Variants in LRRC74A observed in about 807,000 individuals in gnomAD.
LRRC74A encodes the protein leucine rich repeat containing 74A, also known as leucine-rich repeat-containing protein 74A.
LRRC74A carries 44 observed loss-of-function variants against 57.9 expected under a neutral mutation model. The ratio of observed to expected loss-of-function variants is 0.76; its 90% CI spans 0.60 to 0.98. The LOEUF is 0.98. Ranked by LOEUF, LRRC74A falls within the 50% of genes least tolerant of loss-of-function variation. The pLI is 0.00. For synonymous variants in LRRC74A, 211 were observed against 219.4 expected (o/e 0.96, Z 0.34); for missense variants, 572 against 574.0 (o/e 1.00, Z 0.04).
At position 76,857,368 on chromosome 14, in the gene LRRC74A, C is replaced by T. The variant is rs952392067; in HGVS notation, c.958-12C>T. 6.5e-7 allele frequency: 1 copy of T among 1,547,250 alleles called. No homozygotes were observed. On this transcript the variant is annotated splice_polypyrimidine_tract_variant and intron_variant, in intron 9 of 13. Coordinates refer to ENST00000689127, the MANE Select transcript of LRRC74A (RefSeq NM_001385106.1). Reference sequence around the variant, plus strand: ...ATCTCAGCCTCCTCTTGTCTTGATTCTCCCTCTATAGCTTTTCCTGAATCC... The same window carrying T: ...ATCTCAGCCTCCTCTTGTCTTGATTTTCCCTCTATAGCTTTTCCTGAATCC...
At chr14:76,829,075 C>CAGTT in intron 2 of LRRC74A, 1 of 1,289,332 alleles carries the variant, frequency 7.8e-7, no homozygotes, top group Non-Finnish European at 1.0e-6. Context: ...CACCTCCACC[C>CAGTT]TCTCTCTCCT....
intron 10 of LRRC74A, among the ~76,000 whole-genome samples, chr14:76,858,971 A>G (rs1312152176): frequency 2.0e-5 from 3 of 152,152 alleles, no homozygotes; most frequent in African/African-American, 7.2e-5. Flanking sequence ...CTTGCCACGG[A>G]TTTTGAGACA....
At chr14:76,839,781 A>G (rs1157433494) in intron 5 of LRRC74A, among the ~76,000 whole-genome samples, 1 of 152,122 alleles carries the variant, frequency 6.6e-6, no homozygotes, top group Non-Finnish European at 1.5e-5. Context: ...GGCTTTATTT[A>G]TGGTACTTTC....
chr14:76,867,720 G>C (rs1899057325), intron 13 of LRRC74A, among the ~76,000 whole-genome samples: 1 of 152,278 alleles, frequency 6.6e-6, no homozygotes, highest in African/African-American at 2.4e-5. Context: ...CCAGGAGGAG[G>C]GCAGGCAAGG....
Position 76,837,924 on chromosome 14 carries a change from A to T in LRRC74A, c.497A>T (p.Asp166Val), listed in dbSNP as rs1896478977. Residue 166 changes from aspartate to valine, a missense_variant, in exon 5 of 14, where the codon GAT (aspartate) becomes GTT (valine). Transcript: ENST00000689127. ...TTGGAGGGGGCCAGAATCATCTCAG[A>T]TTTCTTTGAGAGAAACAGTTCTTCT... ...LGLEGARIIS[D>V]FFERNSSSIW... 5 of 1,591,216 alleles carry T rather than the reference A, an allele frequency of 3.1e-6. No homozygotes were observed. Among genetic ancestry groups the T allele is most frequent in the Non-Finnish European group, 4.3e-6 (5 of 1,167,522 alleles).
At chr14:76,848,073 T>G (rs1158537912) in intron 7 of LRRC74A, among the ~76,000 whole-genome samples, 2 of 142,598 alleles carry the variant, frequency 1.4e-5, no homozygotes, top group African/African-American at 5.3e-5. Flanking sequence ...CTAGAGAGAC[T>G]GAGGCACAAG....
Position 76,859,129 on chromosome 14 carries a change from C to T in LRRC74A, c.1054-1564C>T, listed in dbSNP as rs573653909. On this transcript the variant is annotated intron_variant, in intron 10 of 13. Coordinates refer to ENST00000689127, the MANE Select transcript of LRRC74A (RefSeq NM_001385106.1). ...GCAGGCCAGGATGCTGCCTTCACCC[C>T]TGAGTCTCCACTGCAGATTCAGACT... 1.9e-3 allele frequency among the ~76,000 whole-genome samples: 288 copies of T among 152,300 alleles called. 3 individuals carry two copies. The highest frequency in any genetic ancestry group is 6.6e-3 in the African/African-American group (275 of 41,552).
At position 76,868,525 on chromosome 14, in the gene LRRC74A, T is replaced by C. The variant is rs141723770; in HGVS notation, c.1391+1087T>C. Among the ~76,000 whole-genome samples the C allele has an allele frequency of 2.0e-5, 3 of 152,300 alleles. No individual in the cohort carries two copies. In the East Asian group the frequency reaches 5.8e-4, roughly 29 times the overall value. The stretch of plus-strand genomic sequence containing the variant: ...TTCTCGCAGCTGGGAAGGGCAACTC[T>C]GGCCGAGACTCCAGGCCTGAGGGGT... On this transcript the variant is annotated intron_variant, in intron 13 of 13. Transcript: ENST00000689127.
At chr14:76,868,859 G>A (rs1205573365) in intron 13 of LRRC74A, among the ~76,000 whole-genome samples, 1 of 152,224 alleles carries the variant, frequency 6.6e-6, no homozygotes, top group Admixed American at 6.5e-5. Context: ...GGCTGTGCGC[G>A]GATCTCCTCT....
At chr14:76,864,858 TA>T (rs945668659) in intron 11 of LRRC74A, among the ~76,000 whole-genome samples, 3 of 149,356 alleles carry the variant, frequency 2.0e-5, no homozygotes, top group Admixed American at 6.7e-5. Context: ...TGTTTCAAAA[TA>T]AAAAAAAAGA....
chr14:76,852,351 C>A lies in LRRC74A; in HGVS notation c.677-14C>A. 1 of 1,594,252 alleles carries A rather than the reference C, an allele frequency of 6.3e-7. No homozygotes were observed. The highest frequency in any genetic ancestry group is 1.1e-5 in the South Asian group (1 of 89,444). ...GCTGTGGGAGATGCTAAGCCGATTC[C>A]CTCCCTGTTTCAGCCATCAACGTGG... is the stretch of plus-strand genomic sequence containing the variant. On this transcript the variant is annotated splice_polypyrimidine_tract_variant and intron_variant, in intron 7 of 13. Transcript: ENST00000689127.
intron 3 of LRRC74A, 39 bp downstream of exon 3, chr14:76,831,414 G>A: frequency 6.2e-7 from 1 of 1,607,300 alleles, no homozygotes; most frequent in East Asian, 2.2e-5. Flanking sequence ...CCTGGAGGAG[G>A]TGGAGGGTTG....
intron 7 of LRRC74A, among the ~76,000 whole-genome samples, chr14:76,849,872 A>C (rs186856425): frequency 6.6e-6 from 1 of 151,728 alleles, no homozygotes; most frequent in African/African-American, 2.4e-5. Flanking sequence ...GCTATGTGAC[A>C]GGCATCAAAT....
intron 11 of LRRC74A, among the ~76,000 whole-genome samples, chr14:76,864,115 T>C (rs932577297): frequency 2.0e-5 from 3 of 152,212 alleles, no homozygotes; most frequent in African/African-American, 7.2e-5. Context: ...CCATGGCATC[T>C]GCCATAGCGC....
intron 5 of LRRC74A, among the ~76,000 whole-genome samples, chr14:76,841,836 C>G (rs1896797898): frequency 6.6e-6 from 1 of 151,936 alleles, no homozygotes; most frequent in African/African-American, 2.4e-5. Flanking sequence ...CCTCAGCCTA[C>G]CGAGTAGCTG....
In LRRC74A at chr14:76,828,361, G is replaced by A. The variant is rs754322171; in HGVS notation, c.108G>A (p.Pro36=). The A allele has an allele frequency of 1.5e-5, 25 of 1,613,734 alleles. No individual in the cohort carries two copies. The highest frequency in any genetic ancestry group is 5.0e-5 in the Admixed American group (3 of 60,000). ...KMLYCEAESP[P]TVEKVKPARE... ...TCTACTGTGAGGCCGAATCCCCGCC[G>A]ACTGTTGAAAAAGTGAAACCAGCCC... The change falls in exon 2 of 14, where the codon CCG becomes CCA. Residue 36 remains proline, a synonymous_variant. Coordinates refer to ENST00000689127, the MANE Select transcript of LRRC74A (RefSeq NM_001385106.1).
At position 76,867,350 on chromosome 14, in the gene LRRC74A, C is replaced by T; in HGVS notation, c.1309-6C>T. 2.0e-6 allele frequency: 3 copies of T among 1,505,232 alleles called. No individual in the cohort carries two copies. The highest frequency in any genetic ancestry group is 2.8e-6 in the Non-Finnish European group (3 of 1,083,408). The allele number at this position is 1,505,232 out of a possible 1,614,324, so 93.2% of individuals were successfully genotyped here. The stretch of plus-strand genomic sequence containing the variant: ...TTAACTGCACATGTTCCATCCACCT[C>T]CTCAGCAAAACAAGGTCCCCCTGAA... On this transcript the variant is annotated splice_polypyrimidine_tract_variant and splice_region_variant and intron_variant, in intron 12 of 13. Transcript: ENST00000689127.
chr14:76,855,556 C>T (rs8009525), intron 9 of LRRC74A, among the ~76,000 whole-genome samples: 12,428 of 152,112 alleles, frequency 0.082, 880 homozygotes, highest in African/African-American at 0.19. Context: ...TCATGGAGAC[C>T]ACATCAACTT....
chr14:76,864,422 GGT>G (rs1378994447), intron 11 of LRRC74A, among the ~76,000 whole-genome samples: 2,267 of 47,842 alleles, frequency 0.047, 2 homozygotes, highest in Non-Finnish European at 0.059. Context: ...GGGGGGGGGG[GGT>G]GGCGGGGGGA....
Sources: allele counts gnomAD v4.1 joint callset (sites outside exome capture counted in the v4.1 genomes callset), GRCh38; gene constraint gnomAD v4.1.1; transcripts MANE v1.5; gene names NCBI Gene and HGNC (gene_info 2026-07-23, HGNC 2026-07-21).